PARD3B: variants seen among roughly 807,000 people sequenced by gnomAD.
PARD3B encodes par-3 family cell polarity regulator beta.
Under a neutral mutation model 130.2 loss-of-function variants are expected in PARD3B, and 103 were observed. The ratio of observed to expected loss-of-function variants is 0.79; its 90% CI spans 0.67 to 0.93. The LOEUF (loss-of-function observed/expected upper bound fraction) is 0.93. Ranked by LOEUF, PARD3B falls within the 40% of genes least tolerant of loss-of-function variation. The pLI, the probability that PARD3B is intolerant of heterozygous loss-of-function variation, is 0.00. For missense variants in PARD3B, 1,609 were observed against 1,499.2 expected (o/e 1.07, Z -1.21); for synonymous variants, 583 against 553.2 (o/e 1.05, Z -0.76).
chr2:204,581,121 C>T (rs1209081584), intron 1 of PARD3B, among the ~76,000 whole-genome samples: 1 of 152,156 alleles, frequency 6.6e-6, no homozygotes. Context: ...AGGCATGAAG[C>T]ACAAGAAGTC....
At chr2:204,771,638 A>T (rs1012510122) in intron 2 of PARD3B, among the ~76,000 whole-genome samples, 2 of 152,122 alleles carry the variant, frequency 1.3e-5, no homozygotes, top group East Asian at 3.8e-4. Context: ...CCCATATAAC[A>T]AACCTGCACA....
chr2:205,611,225 T>C (rs915134699), intron 22 of PARD3B, among the ~76,000 whole-genome samples: 1 of 152,212 alleles, frequency 6.6e-6, no homozygotes, highest in African/African-American at 2.4e-5. Flanking sequence ...CTTCATCTGT[T>C]CCAGTAAGTA....
intron 2 of PARD3B, among the ~76,000 whole-genome samples, chr2:204,840,204 A>G (rs1414490200): frequency 6.6e-6 from 1 of 152,252 alleles, no homozygotes; most frequent in East Asian, 1.9e-4. Flanking sequence ...TTGAAGGGTC[A>G]GAGATTAAGG....
At position 205,274,272 on chromosome 2, in the gene PARD3B, C is replaced by T. The variant is rs1162151034; in HGVS notation, c.2186-26258C>T. On this transcript the variant is annotated intron_variant, in intron 16 of 22. Coordinates refer to ENST00000406610, the MANE Select transcript of PARD3B (RefSeq NM_001302769.2). The surrounding 1 kb of genome is among the most constrained non-coding windows in gnomAD (Gnocchi z 4.2). The stretch of plus-strand genomic sequence containing the variant: ...GTGAATAGGCAACATGTTTACCTCC[C>T]TTCACTATAGCATATTGGTATTAGG... Among the ~76,000 whole-genome samples, 4 of 151,998 alleles carry T rather than the reference C, an allele frequency of 2.6e-5. No homozygotes were observed. The highest frequency in any genetic ancestry group is 4.4e-5 in the Non-Finnish European group (3 of 67,992).
At chr2:204,627,940 A>C (rs2034542590) in intron 1 of PARD3B, among the ~76,000 whole-genome samples, 1 of 151,454 alleles carries the variant, frequency 6.6e-6, no homozygotes, top group Non-Finnish European at 1.5e-5. Context: ...AATGTGGCCT[A>C]ACACAAATTA....
intron 18 of PARD3B, among the ~76,000 whole-genome samples, chr2:205,377,763 A>AT (rs3048124): frequency 0.046 from 5,343 of 117,228 alleles, 450 homozygotes; most frequent in African/African-American, 0.16. Context: ...GTGTAATCCA[A>AT]TTTTTTTTTT....
At chr2:204,790,686 T>G (rs2042170181) in intron 2 of PARD3B, among the ~76,000 whole-genome samples, 1 of 152,042 alleles carries the variant, frequency 6.6e-6, no homozygotes, top group Non-Finnish European at 1.5e-5. Context: ...AGAGAATGAG[T>G]TTTTCCTAAA....
rs1485294615 is a variant in PARD3B, at chr2:205,346,204, TAAA to T, written c.2630+44504_2630+44506del. Among the ~76,000 whole-genome samples, 919 of 149,590 alleles carry T rather than the reference TAAA, an allele frequency of 6.1e-3. 12 individuals are homozygous for T. The highest frequency in any genetic ancestry group is 0.021 in the African/African-American group (862 of 40,846). ...ATAAATAAATAAATAAATAAATAAATAAATAAATAAATAAATTTCATATAAATG... is the reference window on the plus strand; with the variant it reads ...ATAAATAAATAAATAAATAAATAAATTAAATAAATAAATTTCATATAAATG... On this transcript the variant is annotated intron_variant, in intron 18 of 22. Transcript: ENST00000406610.
chr2:204,822,207 AG>A (rs1490181885), intron 2 of PARD3B, among the ~76,000 whole-genome samples: 1 of 152,222 alleles, frequency 6.6e-6, no homozygotes, highest in African/African-American at 2.4e-5. Context: ...TCAAGACTTC[AG>A]TGGAGGAAGT....
At chr2:205,377,716 T>C (rs1164850324) in intron 18 of PARD3B, among the ~76,000 whole-genome samples, 1 of 151,498 alleles carries the variant, frequency 6.6e-6, no homozygotes, top group African/African-American at 2.4e-5. Flanking sequence ...ATCAGGTCCC[T>C]CTAATCAGTT....
At chr2:205,598,685 G>A (rs1296777168) in intron 22 of PARD3B, among the ~76,000 whole-genome samples, 2 of 152,114 alleles carry the variant, frequency 1.3e-5, no homozygotes, top group South Asian at 2.1e-4. Context: ...TCTGCACAGG[G>A]AACATACCTA....
At chr2:205,521,459 G>C (rs758258408) in intron 21 of PARD3B, among the ~76,000 whole-genome samples, 4 of 151,826 alleles carry the variant, frequency 2.6e-5, no homozygotes, top group Non-Finnish European at 5.9e-5. Flanking sequence ...TGATACCTTA[G>C]AGCTTAAGGA....
chr2:205,493,923 AT>A (rs1163350039), intron 20 of PARD3B, among the ~76,000 whole-genome samples: 5 of 150,444 alleles, frequency 3.3e-5, no homozygotes, highest in African/African-American at 4.9e-5. Context: ...ATACCAGCTA[AT>A]TTTTTTTTGT....
At chr2:205,595,073 TC>T (rs1487239602) in intron 22 of PARD3B, among the ~76,000 whole-genome samples, 1 of 152,182 alleles carries the variant, frequency 6.6e-6, no homozygotes, top group Non-Finnish European at 1.5e-5. Context: ...GGAAAGGCAG[TC>T]CCAATATTCC....
Position 204,775,684 on chromosome 2 carries a change from A to G in PARD3B, c.222+89402A>G, listed in dbSNP as rs148007098. ...CTAAAGCATGTAATCCTCTTTGTTT[A>G]CCTCCCCATTTTAAAGTCCCAGATA... On this transcript the variant is annotated intron_variant, in intron 2 of 22. Transcript: ENST00000406610. Among the ~76,000 whole-genome samples, 11 of 151,992 alleles carry G rather than the reference A, an allele frequency of 7.2e-5. No homozygotes were observed. The East Asian group carries it at 2.1e-3, about 29-fold the overall frequency.
At chr2:204,611,735 C>G (rs2033931497) in intron 1 of PARD3B, among the ~76,000 whole-genome samples, 1 of 152,098 alleles carries the variant, frequency 6.6e-6, no homozygotes, top group Non-Finnish European at 1.5e-5. Context: ...GACAAAGTCT[C>G]CAATTATTTT....
rs1390450820 is a variant in PARD3B, at chr2:205,072,415, TA to T, written c.504+24727del. 2.1e-4 allele frequency among the ~76,000 whole-genome samples: 32 copies of T among 152,166 alleles called. 2 individuals are homozygous for T. The South Asian group carries it at 6.4e-3, about 31-fold the overall frequency. ...ACAGGCGTGCGCCACCACGCCTGGC[TA>T]ATTTTTACATTTTTGGTAGAGACGG... On this transcript the variant is annotated intron_variant, in intron 4 of 22. Coordinates refer to ENST00000406610, the MANE Select transcript of PARD3B (RefSeq NM_001302769.2).
At chr2:205,348,617 T>C (rs2043881210) in intron 18 of PARD3B, among the ~76,000 whole-genome samples, 1 of 152,210 alleles carries the variant, frequency 6.6e-6, no homozygotes, top group African/African-American at 2.4e-5. Context: ...CGGTTTCCCA[T>C]TCACTGCACA....
chr2:205,278,355 T>C (rs1417035368), intron 16 of PARD3B, among the ~76,000 whole-genome samples: 1 of 152,074 alleles, frequency 6.6e-6, no homozygotes, highest in Non-Finnish European at 1.5e-5. Context: ...AGTGAATAGA[T>C]TTTCAAGATT....
Sources: gnomAD v4.1 joint callset for allele counts (sites outside exome capture counted in the v4.1 genomes callset) on GRCh38, gnomAD v4.1.1 for gene constraint, Gnocchi (gnomAD v3.1) non-coding constraint, MANE v1.5 for transcripts, NCBI Gene and HGNC (gene_info 2026-07-23, HGNC 2026-07-21) for gene names.